POMT1: variants seen among roughly 807,000 people sequenced by gnomAD.
POMT1 encodes the protein protein O-mannosyltransferase 1, also known as protein O-mannosyl-transferase 1.
A neutral mutation model predicts 101.6 loss-of-function variants in POMT1; 85 were observed. The observed-to-expected ratio is 0.84, with a 90% CI of 0.70 to 1.00. The LOEUF is 1.00. Among genes scored for constraint, POMT1 ranks in the 50% least tolerant of loss-of-function variants. POMT1 has a pLI of 0.00. For missense variants in POMT1, 857 were observed against 930.4 expected (o/e 0.92, Z 1.03); for synonymous variants, 371 against 383.0 (o/e 0.97, Z 0.37).
rs180973698 is a variant in POMT1, at chr9:131,516,859, G to A, written c.1272+1337G>A. On this transcript the variant is annotated intron_variant, in intron 13 of 19. Coordinates refer to ENST00000402686, the MANE Select transcript of POMT1 (RefSeq NM_001077365.2). ...AAATTCCATTTCTCAGGATTTCCCT[G>A]GGGACAGGCTTAGCCGTGAGTGCGG... The A allele has an allele frequency of 4.6e-5, 7 of 152,424 alleles. No homozygotes were observed. In the East Asian group the frequency reaches 1.3e-3, roughly 29 times the overall value. The allele number at this position is 152,424 out of a possible 1,614,324, so 9.4% of individuals were successfully genotyped here.
chr9:131,522,812 CT>C lies in POMT1; in HGVS notation c.2004-119del. The C allele has an allele frequency of 9.0e-7, 1 of 1,109,060 alleles. No homozygotes were observed. The highest frequency in any genetic ancestry group is 1.5e-5 in the African/African-American group (1 of 64,660). 68.7% of individuals were successfully genotyped at this position (1,109,060 alleles called of 1,614,324 possible). ...GTGGCAGGAGACAAGACACAGAAACCTGAAGGCAGAACCCCAGGCCTCGGGG... is the reference window on the plus strand; with the variant it reads ...GTGGCAGGAGACAAGACACAGAAACCGAAGGCAGAACCCCAGGCCTCGGGG... On this transcript the variant is annotated intron_variant, in intron 19 of 19. Transcript: ENST00000402686. This position sits in a 1 kb window ranked among gnomAD's most constrained non-coding sequence, Gnocchi z 5.5.
intron 17 of POMT1, 76 bp downstream of exon 17, chr9:131,520,269 C>T (rs1418080436): frequency 1.5e-5 from 19 of 1,230,410 alleles, no homozygotes; most frequent in East Asian, 7.2e-5. Context: ...TAAGAGCAGC[C>T]GCTGCACCCT....
intron 13 of POMT1, chr9:131,518,189 T>G: frequency 1.8e-6 from 1 of 544,468 alleles, no homozygotes; most frequent in Admixed American, 2.8e-5. Context: ...AGGCTTTGTA[T>G]TTTCTGTGAG....
chr9:131,520,131 A>G lies in POMT1; in HGVS notation c.1636A>G (p.Ser546Gly). 3 of 1,613,898 alleles carry G rather than the reference A, an allele frequency of 1.9e-6. No homozygotes were observed. Among genetic ancestry groups the G allele is most frequent in the Non-Finnish European group, 2.5e-6 (3 of 1,180,038 alleles). ...TGACTCGGAACACAAGTACAGCTCCAGCCCACTGGAGTGGGTCACCCTGGA... is the reference window on the plus strand; with the variant it reads ...TGACTCGGAACACAAGTACAGCTCCGGCCCACTGGAGTGGGTCACCCTGGA... The part of the protein sequence containing the change: ...SDDSEHKYSS[S>G]PLEWVTLDTN... The change falls in exon 17 of 20, where the codon AGC becomes GGC. Residue 546 changes from serine (S) to glycine (G), a missense_variant. Transcript: ENST00000402686.
intron 13 of POMT1, among the ~76,000 whole-genome samples, chr9:131,516,202 TCACA>T (rs1948527349): frequency 1.4e-5 from 2 of 142,622 alleles, no homozygotes; most frequent in Admixed American, 1.4e-4. Context: ...GGACACTTCC[TCACA>T]CAGAGCACTT....
intron 5 of POMT1, among the ~76,000 whole-genome samples, chr9:131,508,357 C>T (rs1466410946): frequency 6.6e-6 from 1 of 152,002 alleles, no homozygotes; most frequent in Non-Finnish European, 1.5e-5. Flanking sequence ...ATGGTGAAAC[C>T]CCATCTCTAC....
intron 9 of POMT1, chr9:131,510,976 C>CTG: frequency 1.1e-5 from 3 of 263,714 alleles, no homozygotes; most frequent in South Asian, 9.8e-5. Flanking sequence ...TGCCGACGGC[C>CTG]AGTGCTGTAG....
At position 131,510,412 on chromosome 9, in the gene POMT1, A is replaced by T. The variant is rs118032649; in HGVS notation, c.852A>T (p.Leu284Phe). The change falls in exon 9 of 20, where the codon TTA becomes TTT. Residue 284 changes from leucine (L) to phenylalanine (F), a missense_variant. Physicochemically the swap from Leu to Phe is conservative, Grantham distance 22. Coordinates refer to ENST00000402686, the MANE Select transcript of POMT1 (RefSeq NM_001077365.2). ...QIMSSAFQAS[L>F]EGGLARITQG... ...TGTCCAGTGCCTTCCAGGCCAGCTT[A>T]GAGGTAAGTAAGCAGTGGGCATCGT... 11 of 1,614,068 alleles carry T rather than the reference A, an allele frequency of 6.8e-6. No individual in the cohort carries two copies. The East Asian group carries it at 2.5e-4, about 36-fold the overall frequency.
At position 131,522,313 on chromosome 9, in the gene POMT1, C is replaced by T; in HGVS notation, c.2003+89C>T. On this transcript the variant is annotated intron_variant, in intron 19 of 19. Coordinates refer to ENST00000402686, the MANE Select transcript of POMT1 (RefSeq NM_001077365.2). This position sits in a 1 kb window ranked among gnomAD's most constrained non-coding sequence, Gnocchi z 5.5. The stretch of plus-strand genomic sequence containing the variant: ...CAGCAAACACATGGGGTGCAGCGAA[C>T]CTCACCCATTTCACGTTACACTGAC... 10 of 1,584,840 alleles carry T rather than the reference C, an allele frequency of 6.3e-6. No homozygotes were observed. Among genetic ancestry groups the T allele is most frequent in the Non-Finnish European group, 8.5e-6 (10 of 1,170,610 alleles).
chr9:131,522,896 C>T lies in POMT1; in HGVS notation c.2004-36C>T, dbSNP rs1384365855. ...TGCCGGGCAGGGAAGCCGCAGTGGTCAGCCACCCTCCCCCACGCTGCTCTG... is the reference window on the plus strand; with the variant it reads ...TGCCGGGCAGGGAAGCCGCAGTGGTTAGCCACCCTCCCCCACGCTGCTCTG... On this transcript the variant is annotated intron_variant, in intron 19 of 19. Coordinates refer to ENST00000402686, the MANE Select transcript of POMT1 (RefSeq NM_001077365.2). This position sits in a 1 kb window ranked among gnomAD's most constrained non-coding sequence, Gnocchi z 5.5. 1 of 1,555,960 alleles carries T rather than the reference C, an allele frequency of 6.4e-7. No homozygotes were observed.
chr9:131,518,516 G>C lies in POMT1; in HGVS notation c.1344G>C (p.Val448=). ...TCTCAGAGGTCCGCTTTGTGCACGTGAACACTTCCGCTGTCTTAAAGGTAA... is the reference window on the plus strand; with the variant it reads ...TCTCAGAGGTCCGCTTTGTGCACGTCAACACTTCCGCTGTCTTAAAGGTAA... ...TILSEVRFVH[V]NTSAVLKLSG... The change falls in exon 14 of 20, where the codon GTG becomes GTC. Residue 448 remains valine, a synonymous_variant. Transcript: ENST00000402686. 1 of 1,613,774 alleles carries C rather than the reference G, an allele frequency of 6.2e-7. No homozygotes were observed. Among genetic ancestry groups the C allele is most frequent in the Non-Finnish European group, 8.5e-7 (1 of 1,179,846 alleles).
rs1950124072 is a variant in POMT1 at position 131,522,387 on chromosome 9, A to C, written c.2003+163A>C. 2 of 1,395,094 alleles carry C rather than the reference A, an allele frequency of 1.4e-6. No individual in the cohort carries two copies. Among genetic ancestry groups the C allele is most frequent in the Non-Finnish European group, 9.6e-7 (1 of 1,043,418 alleles). The allele number at this position is 1,395,094 out of a possible 1,614,324, so 86.4% of individuals were successfully genotyped here. The stretch of plus-strand genomic sequence containing the variant: ...TGGGTGAGGTTCAGAAGAGATGCCC[A>C]GATGAGGCACTGCAGGAACCCAGAG... On this transcript the variant is annotated intron_variant, in intron 19 of 19. Coordinates refer to ENST00000402686, the MANE Select transcript of POMT1 (RefSeq NM_001077365.2). The surrounding 1 kb of genome is among the most constrained non-coding windows in gnomAD (Gnocchi z 5.5).
In POMT1 at chr9:131,508,989, C is replaced by G. The variant is rs1054239530; in HGVS notation, c.506C>G (p.Ser169Cys). 4 of 1,613,502 alleles carry G rather than the reference C, an allele frequency of 2.5e-6. No individual in the cohort carries two copies. The African/African-American group carries it at 5.3e-5, about 22-fold the overall frequency. ...TTTTTCAATCTATTGGCCGTGTTGT[C>G]CTACCTGAAGTTCTTCAACTGCCAA... Reference protein sequence around the residue: ...LIFFNLLAVLSYLKFFNCQKH... With the variant: ...LIFFNLLAVLCYLKFFNCQKH... Residue 169 changes from serine (S) to cysteine (C), a missense_variant, in exon 6 of 20, where the codon TCC (serine) becomes TGC (cysteine). Physicochemically the swap from Ser to Cys is moderately radical, Grantham distance 112. Transcript: ENST00000402686.
At chr9:131,505,503 C>T (rs368403716) in intron 2 of POMT1, among the ~76,000 whole-genome samples, 24 of 152,062 alleles carry the variant, frequency 1.6e-4, no homozygotes, top group Middle Eastern at 3.4e-3. Flanking sequence ...CCTTGTGATC[C>T]ACCTACCTTG....
At position 131,518,929 on chromosome 9, in the gene POMT1, G is replaced by A. The variant is rs1949320441; in HGVS notation, c.1458G>A (p.Trp486Ter). 6.2e-7 allele frequency: 1 copy of A among 1,613,594 alleles called. No homozygotes were observed. The highest frequency in any genetic ancestry group is 1.1e-5 in the South Asian group (1 of 91,086). ...LSRGYHGSTVWNVEEHRYGAS... is the reference protein window; with the variant it reads ...LSRGYHGSTV ...GGGGCTACCACGGGAGCACGGTGTG[G>A]AACGTGGAGGAGCACCGATACGGCG... The change falls in exon 15 of 20, where the codon TGG (tryptophan) becomes TGA (stop). Residue 486 changes from tryptophan (W) to a stop codon, truncating the protein, a stop_gained. Transcript: ENST00000402686. LOFTEE classifies it high-confidence loss of function.
chr9:131,510,990 T>TAA, intron 9 of POMT1: 3 of 291,266 alleles, frequency 1.0e-5, no homozygotes, highest in South Asian at 4.0e-5. Context: ...GCTGTAGTGC[T>TAA]GTGTGTTTCA....
intron 13 of POMT1, among the ~76,000 whole-genome samples, chr9:131,517,797 A>G (rs1298396049): frequency 6.6e-6 from 1 of 152,232 alleles, no homozygotes; most frequent in Non-Finnish European, 1.5e-5. Context: ...TCATAGAACA[A>G]GGAAGGAGGG....
intron 9 of POMT1, 71 bp from the exon 10 acceptor site, chr9:131,511,266 C>A: frequency 6.7e-7 from 1 of 1,495,262 alleles, no homozygotes; most frequent in South Asian, 1.2e-5. Context: ...GAGGAGTGGC[C>A]ATCGGGAAGG....
intron 12 of POMT1, 103 bp from the exon 13 acceptor site, chr9:131,515,323 G>T: frequency 8.4e-7 from 1 of 1,185,466 alleles, no homozygotes; most frequent in Admixed American, 1.7e-5. Flanking sequence ...TGGCTGAGCC[G>T]GCTTTGTTTC....
Sources: gnomAD v4.1 joint callset for allele counts (sites outside exome capture counted in the v4.1 genomes callset) on GRCh38, gnomAD v4.1.1 for gene constraint, Gnocchi (gnomAD v3.1) non-coding constraint, MANE v1.5 for transcripts, NCBI Gene and HGNC (gene_info 2026-07-23, HGNC 2026-07-21) for gene names.